JHY: variants seen among roughly 807,000 people sequenced by gnomAD.
JHY encodes junctional cadherin complex regulator, also known as jhy protein homolog.
Under a neutral mutation model 78.0 loss-of-function variants are expected in JHY, and 69 were observed. That is an observed-to-expected ratio of 0.88 (90% CI 0.73 to 1.08). JHY has a LOEUF of 1.08. Among genes scored for constraint, JHY ranks in the 50% least tolerant of loss-of-function variants. The probability of loss-of-function intolerance (pLI) is 0.00; values close to 1 mark genes in which losing one functional copy is unlikely to be tolerated. For synonymous variants in JHY, 368 were observed against 342.6 expected (o/e 1.07, Z -0.82); for missense variants, 944 against 927.8 (o/e 1.02, Z -0.23).
In JHY at chr11:122,960,888, C is replaced by G. The variant is rs1008622257; in HGVS notation, c.*1443C>G. On this transcript the variant is annotated 3_prime_UTR_variant, in exon 9 of 9. Transcript: ENST00000227349. ...TGTGGAGGTTACTTACTGGGAATGA[C>G]TGCATAGAGTGTATAAGGAAGTAAA... 1 of 688,894 alleles carries G rather than the reference C, an allele frequency of 1.5e-6. No homozygotes were observed. The highest frequency in any genetic ancestry group is 2.8e-6 in the Non-Finnish European group (1 of 355,812). The allele number at this position is 688,894 out of a possible 1,614,324, so 42.7% of individuals were successfully genotyped here.
At chr11:122,926,529 C>T (rs1013292108) in intron 4 of JHY, among the ~76,000 whole-genome samples, 13 of 152,178 alleles carry the variant, frequency 8.5e-5, no homozygotes, top group African/African-American at 3.1e-4. Context: ...AAGTCATTCA[C>T]CCAGAGCTTC....
At chr11:122,894,408 T>C (rs1862693546) in intron 2 of JHY, among the ~76,000 whole-genome samples, 1 of 152,176 alleles carries the variant, frequency 6.6e-6, no homozygotes, top group South Asian at 2.1e-4. Context: ...CCTGTGCACA[T>C]TTTATAAATC....
chr11:122,899,954 G>A lies in JHY; in HGVS notation c.345-3971G>A, dbSNP rs193243661. On this transcript the variant is annotated intron_variant, in intron 2 of 8. Coordinates refer to ENST00000227349, the MANE Select transcript of JHY (RefSeq NM_024806.4). ...TATCCCTGCCCCATGATGCTTAAGG[G>A]TCAAGTGAAAGGCAGGGACAGGAAA... Among the ~76,000 whole-genome samples the A allele has an allele frequency of 3.1e-3, 477 of 152,316 alleles. 1 individual carries two copies. The Middle Eastern group carries it at 0.034, about 11-fold the overall frequency.
intron 2 of JHY, among the ~76,000 whole-genome samples, chr11:122,897,244 A>C (rs1169621674): frequency 6.6e-6 from 1 of 151,834 alleles, no homozygotes; most frequent in Non-Finnish European, 1.5e-5. Context: ...ATTTTTATTG[A>C]GATAGGGTGT....
chr11:122,963,543 AC>A lies in JHY; in HGVS notation c.*4099del, dbSNP rs1255338239. Among the ~76,000 whole-genome samples, 8 of 152,254 alleles carry A rather than the reference AC, an allele frequency of 5.3e-5. No homozygotes were observed. Among genetic ancestry groups the A allele is most frequent in the Admixed American group, 3.9e-4 (6 of 15,296 alleles). ...CAGAATGTCACTAAACTACCATAAA[AC>A]TAAGGGGAGAGATTTTGCAAAAACA... On this transcript the variant is annotated 3_prime_UTR_variant, in exon 9 of 9. Coordinates refer to ENST00000227349, the MANE Select transcript of JHY (RefSeq NM_024806.4).
Position 122,959,603 on chromosome 11 carries a change from T to G in JHY, c.*158T>G. The G allele has an allele frequency of 2.9e-6, 2 of 688,924 alleles. No individual in the cohort carries two copies. Among genetic ancestry groups the G allele is most frequent in the Non-Finnish European group, 2.4e-6 (1 of 423,470 alleles). 42.7% of individuals were successfully genotyped at this position (688,924 alleles called of 1,614,324 possible). ...GCAGGATTTAAAATATGAGGCCCAATTGGATTATGGTGCCATATTTTACTT... is the reference window on the plus strand; with the variant it reads ...GCAGGATTTAAAATATGAGGCCCAAGTGGATTATGGTGCCATATTTTACTT... On this transcript the variant is annotated 3_prime_UTR_variant, in exon 9 of 9. Transcript: ENST00000227349.
intron 1 of JHY, among the ~76,000 whole-genome samples, chr11:122,884,600 C>T (rs1862455593): frequency 6.6e-6 from 1 of 152,112 alleles, no homozygotes; most frequent in South Asian, 2.1e-4. Flanking sequence ...ATGACCCTTA[C>T]AGACAGTGCA....
At chr11:122,914,922 T>A (rs1410850693) in intron 3 of JHY, among the ~76,000 whole-genome samples, 1 of 152,162 alleles carries the variant, frequency 6.6e-6, no homozygotes, top group East Asian at 1.9e-4. Flanking sequence ...TTTTTTTCAA[T>A]ACGAGCCATT....
chr11:122,911,914 A>G (rs1317591228), intron 3 of JHY, among the ~76,000 whole-genome samples: 1 of 138,152 alleles, frequency 7.2e-6, no homozygotes, highest in African/African-American at 2.9e-5. Flanking sequence ...TCAAAAAAAA[A>G]AAAAAAAAAA....
intron 4 of JHY, among the ~76,000 whole-genome samples, chr11:122,926,134 G>A (rs1455478789): frequency 1.4e-5 from 2 of 142,716 alleles, no homozygotes; most frequent in Non-Finnish European, 3.0e-5. Context: ...GTTGCAGTGA[G>A]CCAAGATTGT....
intron 3 of JHY, among the ~76,000 whole-genome samples, chr11:122,922,585 C>T (rs1287639310): frequency 2.0e-5 from 3 of 151,456 alleles, no homozygotes; most frequent in East Asian, 2.0e-4. Flanking sequence ...CCGAGGTGGG[C>T]GGATCACGAG....
At chr11:122,919,590 T>C (rs7103448) in intron 3 of JHY, among the ~76,000 whole-genome samples, 3,816 of 152,152 alleles carry the variant, frequency 0.025, 180 homozygotes, top group African/African-American at 0.086. Flanking sequence ...TGGAAAAGTA[T>C]TGAAGGGTTT....
At chr11:122,959,166 T>C in intron 8 of JHY, 82 bp from the exon 9 acceptor site, 3 of 1,470,164 alleles carry the variant, frequency 2.0e-6, no homozygotes, top group Non-Finnish European at 9.2e-7. Flanking sequence ...ATTTATATTA[T>C]AAATAAACAT....
chr11:122,934,616 A>G lies in JHY; in HGVS notation c.1175A>G (p.Asn392Ser). The G allele has an allele frequency of 1.2e-6, 2 of 1,614,134 alleles. No individual in the cohort carries two copies. The highest frequency in any genetic ancestry group is 1.7e-6 in the Non-Finnish European group (2 of 1,180,024). Residue 392 changes from asparagine to serine, a missense_variant, in exon 5 of 9, where the codon AAT (asparagine) becomes AGT (serine). Transcript: ENST00000227349. ...EEVTASQGNQ[N>S]NPPRQQQNQN... ...GTGACTGCCAGTCAGGGGAACCAGA[A>G]TAACCCTCCCAGGCAGCAACAAAAC...
At chr11:122,903,376 A>G (rs1862903586) in intron 2 of JHY, among the ~76,000 whole-genome samples, 1 of 152,170 alleles carries the variant, frequency 6.6e-6, no homozygotes, top group Non-Finnish European at 1.5e-5. Flanking sequence ...CCCCATTTTT[A>G]TTCCATATTT....
chr11:122,922,063 G>A (rs1430788768), intron 3 of JHY, among the ~76,000 whole-genome samples: 1 of 152,174 alleles, frequency 6.6e-6, no homozygotes, highest in Non-Finnish European at 1.5e-5. Context: ...GTTTCATGAT[G>A]TGAAGTTTTC....
intron 5 of JHY, among the ~76,000 whole-genome samples, chr11:122,938,477 C>T (rs1159192433): frequency 1.3e-5 from 2 of 152,080 alleles, no homozygotes; most frequent in Non-Finnish European, 2.9e-5. Flanking sequence ...TTCATGGATA[C>T]AACATCCTTT....
chr11:122,913,965 C>T (rs1273169559), intron 3 of JHY, among the ~76,000 whole-genome samples: 10 of 152,166 alleles, frequency 6.6e-5, no homozygotes, highest in African/African-American at 2.2e-4. Flanking sequence ...TTAACAAGAA[C>T]TTGTGCTGTT....
At chr11:122,916,693 G>A (rs1281617850) in intron 3 of JHY, among the ~76,000 whole-genome samples, 1 of 152,262 alleles carries the variant, frequency 6.6e-6, no homozygotes, top group African/African-American at 2.4e-5. Flanking sequence ...AGGCTAGAGC[G>A]CCGTGGCATG....
Sources: gnomAD v4.1 joint callset for allele counts (sites outside exome capture counted in the v4.1 genomes callset) on GRCh38, gnomAD v4.1.1 for gene constraint, MANE v1.5 for transcripts, NCBI Gene and HGNC (gene_info 2026-07-23, HGNC 2026-07-21) for gene names.